ROS1: variants seen among roughly 807,000 people sequenced by gnomAD.
The protein encoded by ROS1 is proto-oncogene tyrosine-protein kinase ROS.
Under a neutral mutation model 273.5 loss-of-function variants are expected in ROS1, and 263 were observed. That is an observed-to-expected ratio of 0.96 (90% CI 0.87 to 1.06). The LOEUF (loss-of-function observed/expected upper bound fraction) is 1.06. Among genes scored for constraint, ROS1 ranks in the 50% least tolerant of loss-of-function variants. The probability of loss-of-function intolerance (pLI) is 0.00; values close to 1 mark genes in which losing one functional copy is unlikely to be tolerated. For synonymous variants in ROS1, 1,008 were observed against 954.1 expected, an observed-to-expected ratio of 1.06 and a Z score of -1.04; for missense variants, 2,833 against 2,751.1, an observed-to-expected ratio of 1.03 and a Z score of -0.67.
At chr6:117,305,515 G>A (rs1775035736) in intron 42 of ROS1, among the ~76,000 whole-genome samples, 2 of 152,066 alleles carry the variant, frequency 1.3e-5, no homozygotes, top group South Asian at 4.2e-4. Flanking sequence ...TCATTACTCT[G>A]TACTTAATTT....
At chr6:117,358,242 A>G (rs1779494678) in intron 24 of ROS1, among the ~76,000 whole-genome samples, 1 of 151,856 alleles carries the variant, frequency 6.6e-6, no homozygotes, top group South Asian at 2.1e-4. Context: ...ACAAATTTAT[A>G]TCTTCAGACA....
At chr6:117,295,791 TATC>T (rs1442758713) in intron 43 of ROS1, among the ~76,000 whole-genome samples, 2 of 152,290 alleles carry the variant, frequency 1.3e-5, no homozygotes, top group Non-Finnish European at 2.9e-5. Context: ...TACATTGAGA[TATC>T]ATCTCAGTCA....
intron 1 of ROS1, among the ~76,000 whole-genome samples, chr6:117,423,503 T>A (rs909461489): frequency 5.3e-5 from 8 of 152,224 alleles, no homozygotes; most frequent in Non-Finnish European, 8.8e-5. Context: ...GCATTAATTG[T>A]TTGTTGTTTT....
At chr6:117,409,828 A>T (rs1774757698) in intron 4 of ROS1, among the ~76,000 whole-genome samples, 186 bp from the exon 5 acceptor site, 1 of 152,224 alleles carries the variant, frequency 6.6e-6, no homozygotes, top group African/African-American at 2.4e-5. Context: ...TTTCCCCTGC[A>T]GTAAAATTCC....
At chr6:117,365,828 A>G (rs1780170986) in intron 19 of ROS1, 87 bp from the exon 20 acceptor site, 2 of 1,085,890 alleles carry the variant, frequency 1.8e-6, no homozygotes, top group Admixed American at 6.1e-5. Flanking sequence ...AATAGCAATT[A>G]CTAATAATTA....
rs1261159498 is a variant in ROS1 at position 117,287,762 on chromosome 6, A to G, written c.*730T>C. Among the ~76,000 whole-genome samples the G allele has an allele frequency of 6.6e-6, 1 of 152,062 alleles. No individual in the cohort carries two copies. The highest frequency in any genetic ancestry group is 1.5e-5 in the Non-Finnish European group (1 of 68,020). On this transcript the variant is annotated 3_prime_UTR_variant, in exon 44 of 44. Transcript: ENST00000368507. ...TGGTGAAACCTCATCTCTACTAAAA[A>G]TACAAAAATTAGCCGGGCGTGGTGG...
intron 33 of ROS1, chr6:117,328,708 GA>G: frequency 1.6e-6 from 1 of 611,168 alleles, no homozygotes; most frequent in Admixed American, 1.9e-5. Context: ...AAGTTGGCAT[GA>G]AATCAGTCCT....
chr6:117,387,846 T>G lies in ROS1; in HGVS notation c.1933A>C (p.Arg645=), dbSNP rs756738703. 8.1e-6 allele frequency: 13 copies of G among 1,614,204 alleles called. No individual in the cohort carries two copies. The South Asian group carries it at 1.1e-4, about 14-fold the overall frequency. The change falls in exon 14 of 44, where the codon AGA becomes CGA. Residue 645 remains arginine (R), a synonymous_variant. Coordinates refer to ENST00000368507, the MANE Select transcript of ROS1 (RefSeq NM_001378902.1). ...QSAMKYKVSV[R]ASSPKRPGPW... ...CCTGGCCTCTTTGGAGAACTTGCTCTCACAGAAACCTTGTATTTCATAGCA... is the reference window on the plus strand; with the variant it reads ...CCTGGCCTCTTTGGAGAACTTGCTCGCACAGAAACCTTGTATTTCATAGCA...
chr6:117,347,485 C>T (rs1338219315), intron 27 of ROS1, among the ~76,000 whole-genome samples: 2 of 152,094 alleles, frequency 1.3e-5, no homozygotes, highest in East Asian at 3.8e-4. Flanking sequence ...AGATTTTCTA[C>T]ATAGATGATC....
Position 117,353,059 on chromosome 6 carries a change from C to T in ROS1, c.4234G>A (p.Val1412Ile), listed in dbSNP as rs777817381. The T allele has an allele frequency of 1.7e-5, 27 of 1,613,948 alleles. No individual in the cohort carries two copies. The highest frequency in any genetic ancestry group is 4.0e-5 in the African/African-American group (3 of 74,926). The change falls in exon 27 of 44, where the codon GTT (valine) becomes ATT (isoleucine). Residue 1412 changes from valine (V) to isoleucine (I), a missense_variant. Physicochemically the swap from Val to Ile is conservative, Grantham distance 29. Coordinates refer to ENST00000368507, the MANE Select transcript of ROS1 (RefSeq NM_001378902.1). ...CTCCTTAGGGCCTTCACCTGGGAAA[C>T]GATGGCCCCATTTCCTTTCTTTGCC... is the stretch of plus-strand genomic sequence containing the variant. ...YQAKKGNGAI[V>I]SQVKALRSRH...
At chr6:117,305,360 G>T (rs889072914) in intron 42 of ROS1, among the ~76,000 whole-genome samples, 1 of 152,162 alleles carries the variant, frequency 6.6e-6, no homozygotes, top group South Asian at 2.1e-4. Context: ...CATCCTTACA[G>T]CTGCCACTTA....
In ROS1 at chr6:117,389,302, C is replaced by T. The variant is rs538763378; in HGVS notation, c.1786+48G>A. The T allele has an allele frequency of 3.2e-6, 5 of 1,545,820 alleles. No individual in the cohort carries two copies. The African/African-American group carries it at 5.5e-5, about 17-fold the overall frequency. ...ACAACGCCAAGCAGTTCAAACCTTC[C>T]TCTTATTCCAGCAAGGCCAGTAACC... On this transcript the variant is annotated intron_variant, in intron 13 of 43. Coordinates refer to ENST00000368507, the MANE Select transcript of ROS1 (RefSeq NM_001378902.1).
intron 35 of ROS1, among the ~76,000 whole-genome samples, chr6:117,323,822 G>A (rs1244362025): frequency 1.3e-5 from 2 of 152,070 alleles, no homozygotes; most frequent in Admixed American, 1.3e-4. Context: ...TCAGATGTCT[G>A]AAAGCAAGAG....
intron 39 of ROS1, among the ~76,000 whole-genome samples, chr6:117,312,775 C>T (rs1473456487): frequency 6.6e-6 from 1 of 152,142 alleles, no homozygotes. Context: ...AGATGCTACT[C>T]TGGACTACCA....
chr6:117,342,599 G>A, intron 28 of ROS1, 55 bp from the exon 29 acceptor site: 8 of 1,123,048 alleles, frequency 7.1e-6, no homozygotes, highest in South Asian at 5.1e-5. Flanking sequence ...TATACAAATT[G>A]GTAGAAATTA....
intron 18 of ROS1, among the ~76,000 whole-genome samples, chr6:117,371,544 A>T (rs888533972): frequency 6.6e-6 from 1 of 152,158 alleles, no homozygotes; most frequent in Non-Finnish European, 1.5e-5. Flanking sequence ...ACTTTGTAAA[A>T]ATTTAAACCG....
intron 32 of ROS1, among the ~76,000 whole-genome samples, chr6:117,335,021 C>T (rs534774674): frequency 5.5e-4 from 84 of 152,250 alleles, no homozygotes; most frequent in African/African-American, 1.9e-3. Context: ...AGCTTCTGTA[C>T]AGCAAAAGAA....
intron 9 of ROS1, among the ~76,000 whole-genome samples, chr6:117,395,517 C>G (rs1398739359): frequency 6.6e-6 from 1 of 152,086 alleles, no homozygotes; most frequent in African/African-American, 2.4e-5. Flanking sequence ...AAATAGAAAA[C>G]AGGCTCCCAG....
chr6:117,391,722 C>T (rs2128708152), intron 12 of ROS1, among the ~76,000 whole-genome samples: 1 of 152,290 alleles, frequency 6.6e-6, no homozygotes, highest in East Asian at 1.9e-4. Flanking sequence ...AGCTAGAAGT[C>T]CTGGAGCAAG....
Sources: allele counts gnomAD v4.1 joint callset (sites outside exome capture counted in the v4.1 genomes callset), GRCh38; gene constraint gnomAD v4.1.1; transcripts MANE v1.5; gene names NCBI Gene and HGNC (gene_info 2026-07-23, HGNC 2026-07-21).